The following SYT1 variants were observed in gnomAD, a reference collection of about 807,000 sequenced individuals.
SYT1 encodes synaptotagmin 1, also known as synaptotagmin-1.
A neutral mutation model predicts 44.8 loss-of-function variants in SYT1; 8 were observed. That is an observed-to-expected ratio of 0.18 (90% CI 0.10 to 0.32). The LOEUF (loss-of-function observed/expected upper bound fraction) is 0.32, where lower values mean the gene tolerates loss of function less well. Among genes scored for constraint, SYT1 ranks in the 10% least tolerant of loss-of-function variants. SYT1 has a pLI of 1.00. For missense variants in SYT1, 286 were observed against 509.3 expected (o/e 0.56, Z 4.22); for synonymous variants, 154 against 188.8 (o/e 0.82, Z 1.51).
At chr12:79,145,205 C>G (rs1027475996) in intron 3 of SYT1, among the ~76,000 whole-genome samples, 2 of 152,076 alleles carry the variant, frequency 1.3e-5, no homozygotes, top group Non-Finnish European at 2.9e-5. Context: ...ACTTAATATT[C>G]TGGAATGTGT....
chr12:79,076,400 T>C (rs977231586), intron 3 of SYT1, among the ~76,000 whole-genome samples: 4 of 152,172 alleles, frequency 2.6e-5, no homozygotes, highest in African/African-American at 4.8e-5. Flanking sequence ...GAACTCCATA[T>C]TTAAAAAATA....
At chr12:79,392,467 C>T (rs959460956) in intron 9 of SYT1, 6 of 152,164 alleles carry the variant, frequency 3.9e-5, no homozygotes, top group African/African-American at 1.4e-4. Context: ...CGGTTTACAG[C>T]AAATGAGGAC....
intron 9 of SYT1, among the ~76,000 whole-genome samples, chr12:79,420,033 T>C (rs1042101939): frequency 2.0e-5 from 3 of 152,182 alleles, no homozygotes; most frequent in African/African-American, 7.2e-5. Flanking sequence ...TTTATTGCTG[T>C]ATAACATGCC....
At chr12:78,925,386 C>T (rs1877245293) in intron 1 of SYT1, among the ~76,000 whole-genome samples, 1 of 151,932 alleles carries the variant, frequency 6.6e-6, no homozygotes, top group Non-Finnish European at 1.5e-5. Flanking sequence ...GTACATAGTT[C>T]TAATAGTCAA....
intron 9 of SYT1, among the ~76,000 whole-genome samples, chr12:79,404,136 A>G (rs1271812834): frequency 2.0e-5 from 3 of 152,180 alleles, no homozygotes; most frequent in African/African-American, 4.8e-5. Flanking sequence ...TTCACAGGGT[A>G]AAAGCAAAAC....
chr12:79,096,064 T>A (rs1273674276), intron 3 of SYT1, among the ~76,000 whole-genome samples: 1 of 151,864 alleles, frequency 6.6e-6, no homozygotes, highest in South Asian at 2.1e-4. Flanking sequence ...GAACAAAGGC[T>A]GTTGTTTCAT....
At chr12:79,379,934 G>A (rs918666340) in intron 9 of SYT1, among the ~76,000 whole-genome samples, 2 of 152,258 alleles carry the variant, frequency 1.3e-5, no homozygotes, top group South Asian at 2.1e-4. Flanking sequence ...TTTGCTGAAG[G>A]TTACACCCGA....
At chr12:79,069,883 T>C (rs1408283103) in intron 3 of SYT1, among the ~76,000 whole-genome samples, 1 of 151,990 alleles carries the variant, frequency 6.6e-6, no homozygotes, top group Non-Finnish European at 1.5e-5. Context: ...AATGGAAAAA[T>C]TGAATAGAAT....
chr12:79,369,583 T>C (rs1000840681), intron 9 of SYT1, among the ~76,000 whole-genome samples: 3 of 152,368 alleles, frequency 2.0e-5, no homozygotes, highest in Middle Eastern at 6.8e-3. Context: ...TTAGTATTTC[T>C]ACAATAGGAT....
At chr12:79,298,563 A>C (rs956190449) in intron 7 of SYT1, among the ~76,000 whole-genome samples, 3 of 152,182 alleles carry the variant, frequency 2.0e-5, no homozygotes, top group African/African-American at 7.2e-5. Context: ...CAATTTCTTA[A>C]TTAGGTATTT....
intron 2 of SYT1, among the ~76,000 whole-genome samples, chr12:79,047,064 C>G (rs1230791657): frequency 6.6e-6 from 1 of 151,724 alleles, no homozygotes; most frequent in Non-Finnish European, 1.5e-5. Context: ...TTCATAAAAT[C>G]AGTATATAAA....
rs576198143 is a variant in SYT1, at chr12:78,986,024, A to T, written c.-84+8093A>T. ...TGCAGTTTTGCCTGCTTTTTATGTA[A>T]CCTAGTATTCAAAACTTAACTGGTT... On this transcript the variant is annotated intron_variant, in intron 2 of 10. Transcript: ENST00000261205. 7.9e-5 allele frequency among the ~76,000 whole-genome samples: 12 copies of T among 152,154 alleles called. No individual in the cohort carries two copies. In the East Asian group the frequency reaches 2.3e-3, roughly 29 times the overall value.
intron 9 of SYT1, among the ~76,000 whole-genome samples, chr12:79,367,235 G>C (rs1379396246): frequency 6.6e-6 from 1 of 152,134 alleles, no homozygotes; most frequent in Non-Finnish European, 1.5e-5. Flanking sequence ...CAAAGAGGAA[G>C]AACAGAGCCT....
intron 3 of SYT1, among the ~76,000 whole-genome samples, chr12:79,140,672 G>T (rs774066252): frequency 6.6e-6 from 1 of 152,050 alleles, no homozygotes; most frequent in Non-Finnish European, 1.5e-5. Flanking sequence ...TTTGTCTTTG[G>T]GTATGGGGCC....
chr12:79,174,012 G>T (rs754915428), intron 3 of SYT1, among the ~76,000 whole-genome samples: 3 of 152,048 alleles, frequency 2.0e-5, no homozygotes, highest in Non-Finnish European at 2.9e-5. Flanking sequence ...GAGGAGTAAA[G>T]AAGGGAAAAT....
At chr12:79,283,491 T>G (rs1879151930) in intron 4 of SYT1, among the ~76,000 whole-genome samples, 1 of 152,172 alleles carries the variant, frequency 6.6e-6, no homozygotes, top group African/African-American at 2.4e-5. Flanking sequence ...TGTCTTGTCT[T>G]GTACAATTTA....
At position 79,179,209 on chromosome 12, in the gene SYT1, G is replaced by GATATATCT. The variant is rs1391199808; in HGVS notation, c.-17-38289_-17-38288insTCTATATA. On this transcript the variant is annotated intron_variant, in intron 3 of 10. Coordinates refer to ENST00000261205, the MANE Select transcript of SYT1 (RefSeq NM_005639.3). The stretch of plus-strand genomic sequence containing the variant: ...ATATAGATATAGATATATAGATATA[G>GATATATCT]ATATAGATATATAGATATAGATATA... 9.8e-5 allele frequency among the ~76,000 whole-genome samples: 5 copies of GATATATCT among 51,072 alleles called. 1 individual carries two copies. The highest frequency in any genetic ancestry group is 1.5e-4 in the Non-Finnish European group (5 of 32,270). The allele number at this position is 51,072 out of a possible 152,430, so 33.5% of individuals were successfully genotyped here.
intron 9 of SYT1, among the ~76,000 whole-genome samples, chr12:79,400,003 A>C (rs1278533837): frequency 6.6e-6 from 1 of 152,172 alleles, no homozygotes; most frequent in Non-Finnish European, 1.5e-5. Context: ...GGACAAACCA[A>C]ATTGACTTGA....
chr12:79,318,120 A>G (rs548978365), intron 8 of SYT1, among the ~76,000 whole-genome samples: 45 of 152,350 alleles, frequency 3.0e-4, no homozygotes, highest in African/African-American at 1.0e-3. Context: ...CCATTTCTAT[A>G]TAAAGAGATG....
Sources: allele counts gnomAD v4.1 joint callset (sites outside exome capture counted in the v4.1 genomes callset), GRCh38; gene constraint gnomAD v4.1.1; transcripts MANE v1.5; gene names NCBI Gene and HGNC (gene_info 2026-07-23, HGNC 2026-07-21).